Variants in ARHGEF18 observed in about 807,000 individuals in gnomAD.
The protein encoded by ARHGEF18 is rho guanine nucleotide exchange factor 18.
A neutral mutation model predicts 155.7 loss-of-function variants in ARHGEF18; 93 were observed. That is an observed-to-expected ratio of 0.60 (90% CI 0.50 to 0.71). The LOEUF (loss-of-function observed/expected upper bound fraction) is 0.71. ARHGEF18 is among the 30% of genes least tolerant of loss of function. The pLI is 0.00. For synonymous variants in ARHGEF18, 742 were observed against 753.1 expected (o/e 0.99, Z 0.24); for missense variants, 1,593 against 1,816.1 (o/e 0.88, Z 2.23).
At chr19:7,398,049 A>G (rs896556622) in intron 10 of ARHGEF18, among the ~76,000 whole-genome samples, 1 of 152,114 alleles carries the variant, frequency 6.6e-6, no homozygotes, top group Admixed American at 6.6e-5. Flanking sequence ...CTGTGTATAT[A>G]TACTTCAAAG....
intron 19 of ARHGEF18, among the ~76,000 whole-genome samples, chr19:7,459,314 G>A (rs769875698): frequency 3.9e-5 from 6 of 152,082 alleles, no homozygotes; most frequent in Non-Finnish European, 7.4e-5. Flanking sequence ...CCAAACTCCT[G>A]GGCTCAAGCC....
intron 10 of ARHGEF18, among the ~76,000 whole-genome samples, chr19:7,425,515 C>G (rs1973608682): frequency 6.6e-6 from 1 of 151,814 alleles, no homozygotes; most frequent in Non-Finnish European, 1.5e-5. Context: ...CACCCCGTCT[C>G]TACTAAAAAT....
At chr19:7,428,456 G>A (rs1184399253) in intron 10 of ARHGEF18, among the ~76,000 whole-genome samples, 8 of 152,024 alleles carry the variant, frequency 5.3e-5, no homozygotes, top group Non-Finnish European at 1.2e-4. Context: ...GCAGTGGTGC[G>A]ATCATAGCTC....
chr19:7,411,072 A>T (rs1289513920), intron 10 of ARHGEF18, among the ~76,000 whole-genome samples: 2 of 151,972 alleles, frequency 1.3e-5, no homozygotes, highest in Non-Finnish European at 2.9e-5. Flanking sequence ...CTGATACCAG[A>T]AAATAGTGTG....
At chr19:7,414,382 A>C (rs1006924189) in intron 10 of ARHGEF18, among the ~76,000 whole-genome samples, 2 of 152,098 alleles carry the variant, frequency 1.3e-5, no homozygotes, top group Non-Finnish European at 2.9e-5. Flanking sequence ...AGTCATAATA[A>C]TACTAGTTTG....
intron 18 of ARHGEF18, among the ~76,000 whole-genome samples, chr19:7,457,455 C>T (rs774008154): frequency 3.3e-5 from 5 of 150,188 alleles, no homozygotes; most frequent in South Asian, 2.1e-4. Flanking sequence ...CTCCACCTCC[C>T]GAGTTCAAGT....
chr19:7,451,096 C>A lies in ARHGEF18; in HGVS notation c.1738-53C>A. The A allele has an allele frequency of 2.2e-6, 3 of 1,382,740 alleles. No individual in the cohort carries two copies. The South Asian group carries it at 3.6e-5, about 16-fold the overall frequency. The allele number at this position is 1,382,740 out of a possible 1,614,324, so 85.7% of individuals were successfully genotyped here. A position where few individuals can be genotyped will look rare whatever the true frequency, so the allele number is the denominator to read the frequency against. ...CGTTTCTGAGATGTTAATACAGGAT[C>A]TTGCTGTCCGTTTCTGAGATGTTAA... is the stretch of plus-strand genomic sequence containing the variant. On this transcript the variant is annotated intron_variant, in intron 15 of 28. Coordinates refer to ENST00000668164, the MANE Select transcript of ARHGEF18 (RefSeq NM_001367823.1).
Position 7,467,924 on chromosome 19 carries a change from A to T in ARHGEF18, c.3480+240A>T, listed in dbSNP as rs746805159. 2.9e-3 allele frequency among the ~76,000 whole-genome samples: 150 copies of T among 51,224 alleles called. 1 individual carries two copies. Among genetic ancestry groups the T allele is most frequent in the African/African-American group, 9.8e-3 (53 of 5,428 alleles). 33.6% of individuals were successfully genotyped at this position (51,224 alleles called of 152,430 possible). ...TGCCATAAATGTTAGAAACTTCTTAAAAAAAAAATGCACTCCTGTAATCCC... is the reference window on the plus strand; with the variant it reads ...TGCCATAAATGTTAGAAACTTCTTATAAAAAAAATGCACTCCTGTAATCCC... On this transcript the variant is annotated intron_variant, in intron 26 of 28. Coordinates refer to ENST00000668164, the MANE Select transcript of ARHGEF18 (RefSeq NM_001367823.1).
At chr19:7,403,553 C>CTTTCT (rs1555710025) in intron 10 of ARHGEF18, among the ~76,000 whole-genome samples, 84 of 122,956 alleles carry the variant, frequency 6.8e-4, no homozygotes, top group Non-Finnish European at 8.7e-4. Context: ...TTCTTTCTTT[C>CTTTCT]TTTTTTTTTT....
At chr19:7,392,240 CAAAA>C (rs3997574) in intron 10 of ARHGEF18, among the ~76,000 whole-genome samples, 4 of 72,050 alleles carry the variant, frequency 5.6e-5, no homozygotes, top group Non-Finnish European at 1.1e-4. Flanking sequence ...GACTCCGTCT[CAAAA>C]AAAAAAAAAA....
chr19:7,456,010 C>A (rs1349025010), intron 17 of ARHGEF18, among the ~76,000 whole-genome samples: 1 of 152,116 alleles, frequency 6.6e-6, no homozygotes, highest in African/African-American at 2.4e-5. Context: ...GTATCAGATT[C>A]TCAAAGGTCA....
intron 10 of ARHGEF18, among the ~76,000 whole-genome samples, chr19:7,404,481 A>C (rs1220766558): frequency 1.7e-5 from 2 of 116,532 alleles, no homozygotes; most frequent in South Asian, 2.9e-4. Flanking sequence ...TTTTTTTGAG[A>C]TGGAGTCTCG....
intron 14 of ARHGEF18, among the ~76,000 whole-genome samples, chr19:7,445,640 G>A (rs1463559922): frequency 6.6e-6 from 1 of 152,044 alleles, no homozygotes; most frequent in African/African-American, 2.4e-5. Context: ...CTTTTTTTGA[G>A]ACAAAGTCTC....
In ARHGEF18 at chr19:7,468,951, GCCC is replaced by G. The variant is rs746301596; in HGVS notation, c.3610_3612del (p.Pro1204del). ...CCCCGAGGTGGCTCGCCGGGACAGC[GCCC>G]CCACCGAGAACCGGCTGGCCAAGAG... On this transcript the variant is annotated inframe_deletion, in exon 27 of 29. Transcript: ENST00000668164. 12 of 1,580,944 alleles carry G rather than the reference GCCC, an allele frequency of 7.6e-6. No homozygotes were observed. Among genetic ancestry groups the G allele is most frequent in the Non-Finnish European group, 1.0e-5 (12 of 1,164,980 alleles).
chr19:7,448,319 A>AGC (rs1406237628), intron 15 of ARHGEF18, among the ~76,000 whole-genome samples: 1 of 152,184 alleles, frequency 6.6e-6, no homozygotes, highest in Non-Finnish European at 1.5e-5. Flanking sequence ...GTTCAGTACC[A>AGC]GCCTGCCCAA....
intron 10 of ARHGEF18, among the ~76,000 whole-genome samples, chr19:7,414,540 G>A (rs1376529091): frequency 2.0e-5 from 3 of 152,112 alleles, no homozygotes; most frequent in Non-Finnish European, 4.4e-5. Context: ...GCTGGGCACG[G>A]TGGTTCACGC....
At chr19:7,408,619 A>G (rs888760827) in intron 10 of ARHGEF18, among the ~76,000 whole-genome samples, 1 of 152,238 alleles carries the variant, frequency 6.6e-6, no homozygotes, top group African/African-American at 2.4e-5. Context: ...ATCTGGGCCC[A>G]TCCATGAGCA....
chr19:7,357,589 C>T (rs1969362447), intron 1 of ARHGEF18, among the ~76,000 whole-genome samples: 1 of 152,170 alleles, frequency 6.6e-6, no homozygotes, highest in South Asian at 2.1e-4. Context: ...CCTGAGGCCT[C>T]ATTTCTCCTC....
chr19:7,387,136 GT>G (rs1971128414), intron 10 of ARHGEF18, among the ~76,000 whole-genome samples: 2 of 151,914 alleles, frequency 1.3e-5, no homozygotes, highest in African/African-American at 4.8e-5. Context: ...TCCATCACCT[GT>G]TTTTGTTGTT....
Sources: allele counts gnomAD v4.1 joint callset (sites outside exome capture counted in the v4.1 genomes callset), GRCh38; gene constraint gnomAD v4.1.1; transcripts MANE v1.5; gene names NCBI Gene and HGNC (gene_info 2026-07-23, HGNC 2026-07-21).